The following UNC13B variants were observed in gnomAD, a reference collection of about 807,000 sequenced individuals.
UNC13B encodes unc-13 homolog B.
In UNC13B, 144 loss-of-function variants were observed where a neutral mutation model predicts 211.0. The observed-to-expected ratio is 0.68, with a 90% CI of 0.60 to 0.78. The LOEUF (loss-of-function observed/expected upper bound fraction) is 0.78, where lower values mean the gene tolerates loss of function less well. Among genes scored for constraint, UNC13B ranks in the 30% least tolerant of loss-of-function variants. The probability of loss-of-function intolerance (pLI) is 0.00; values close to 1 mark genes in which losing one functional copy is unlikely to be tolerated. For missense variants in UNC13B, 1,777 were observed against 2,002.0 expected, an observed-to-expected ratio of 0.89 and a Z score of 2.14; for synonymous variants, 709 against 725.8, an observed-to-expected ratio of 0.98 and a Z score of 0.37.
At chr9:35,212,020 A>G (rs1487697465) in intron 1 of UNC13B, among the ~76,000 whole-genome samples, 1 of 152,170 alleles carries the variant, frequency 6.6e-6, no homozygotes, top group Non-Finnish European at 1.5e-5. Context: ...TGTACTTTCT[A>G]TAATGGAAAT....
At chr9:35,241,553 A>T (rs965413814) in intron 5 of UNC13B, among the ~76,000 whole-genome samples, 4 of 104,458 alleles carry the variant, frequency 3.8e-5, no homozygotes, top group Non-Finnish European at 5.7e-5. Context: ...GTTTCTGAAT[A>T]TAAGCACACA....
At chr9:35,268,743 G>A (rs1827714462) in intron 7 of UNC13B, among the ~76,000 whole-genome samples, 1 of 152,136 alleles carries the variant, frequency 6.6e-6, no homozygotes, top group South Asian at 2.1e-4. Flanking sequence ...TAGTTCAGAT[G>A]ATGTTTTCCA....
At chr9:35,308,501 G>A (rs1830033137) in intron 9 of UNC13B, 89 bp downstream of exon 9, 1 of 397,392 alleles carries the variant, frequency 2.5e-6, no homozygotes. Context: ...ATCATAGCTT[G>A]CTTTTTATCC....
intron 11 of UNC13B, among the ~76,000 whole-genome samples, chr9:35,330,519 C>A (rs1172165235): frequency 6.6e-6 from 1 of 152,156 alleles, no homozygotes; most frequent in Admixed American, 6.5e-5. Context: ...ATGGATGACT[C>A]CAATGAGGCT....
intron 12 of UNC13B, 126 bp downstream of exon 12, chr9:35,367,119 T>C (rs1467425684): frequency 1.1e-6 from 1 of 946,850 alleles, no homozygotes; most frequent in Non-Finnish European, 1.7e-6. Context: ...AAGGTTCCAC[T>C]ATAGGTTGGT....
intron 22 of UNC13B, chr9:35,385,292 A>G (rs1587745070): frequency 1.0e-6 from 1 of 985,490 alleles, no homozygotes; most frequent in Non-Finnish European, 1.2e-6. Context: ...CAAAAAGTAC[A>G]GGTCCTGGAC....
intron 1 of UNC13B, among the ~76,000 whole-genome samples, chr9:35,168,597 T>C (rs1011116663): frequency 1.2e-4 from 18 of 152,218 alleles, no homozygotes; most frequent in African/African-American, 3.9e-4. Context: ...CTATGCCTGT[T>C]GAAAAGACCA....
chr9:35,366,117 A>G (rs1833755022), intron 11 of UNC13B, among the ~76,000 whole-genome samples: 1 of 152,212 alleles, frequency 6.6e-6, no homozygotes, highest in Admixed American at 6.5e-5. Context: ...AGTGGAAGAA[A>G]ACAAGGAGGG....
chr9:35,207,226 A>G (rs1262174192), intron 1 of UNC13B, among the ~76,000 whole-genome samples: 1 of 152,060 alleles, frequency 6.6e-6, no homozygotes, highest in African/African-American at 2.4e-5. Context: ...AGTGGTTGTT[A>G]TGCATATTTT....
intron 11 of UNC13B, among the ~76,000 whole-genome samples, chr9:35,360,272 T>C (rs1265598836): frequency 2.6e-5 from 4 of 152,234 alleles, no homozygotes; most frequent in Non-Finnish European, 4.4e-5. Flanking sequence ...TGTGACATAG[T>C]ATATTGTTAT....
Position 35,207,478 on chromosome 9 carries a change from TTTTA to T in UNC13B, c.23-20504_23-20501del, listed in dbSNP as rs56280520. On this transcript the variant is annotated intron_variant, in intron 1 of 39. Transcript: ENST00000635942. ...TGAACTCTGCAGAGAAGAAATTAAT[TTTTA>T]TTTATTTATTTATTTATTTATTTAT... Among the ~76,000 whole-genome samples the T allele has an allele frequency of 1.6e-3, 231 of 143,040 alleles. 2 individuals carry two copies. In the South Asian group the frequency reaches 0.02, roughly 12 times the overall value. The allele number at this position is 143,040 out of a possible 152,430, so 93.8% of individuals were successfully genotyped here.
At chr9:35,205,269 A>C (rs140628025) in intron 1 of UNC13B, among the ~76,000 whole-genome samples, 2 of 152,084 alleles carry the variant, frequency 1.3e-5, no homozygotes, top group Non-Finnish European at 2.9e-5. Flanking sequence ...TAAATAAATC[A>C]CCACGTTTCA....
At chr9:35,323,685 A>G (rs920444520) in intron 11 of UNC13B, among the ~76,000 whole-genome samples, 1 of 152,116 alleles carries the variant, frequency 6.6e-6, no homozygotes. Flanking sequence ...CCTTGACTGG[A>G]CCTGGCTGTT....
intron 8 of UNC13B, among the ~76,000 whole-genome samples, chr9:35,297,090 C>CT (rs201558543): frequency 0.051 from 6,542 of 128,080 alleles, 367 homozygotes; most frequent in East Asian, 0.25. Flanking sequence ...TTTTAAGAAG[C>CT]TTTTTTTTTT....
chr9:35,333,125 A>G (rs969402883), intron 11 of UNC13B, among the ~76,000 whole-genome samples: 1 of 152,144 alleles, frequency 6.6e-6, no homozygotes. Flanking sequence ...TATAATGTAT[A>G]TTATCATTCA....
chr9:35,401,890 C>T (rs1411196909), intron 37 of UNC13B: 39 of 1,492,082 alleles, frequency 2.6e-5, no homozygotes, highest in South Asian at 6.0e-5. Flanking sequence ...AGACTGCTAA[C>T]GGATTCTTCT....
intron 11 of UNC13B, among the ~76,000 whole-genome samples, chr9:35,327,560 C>T (rs903921804): frequency 6.6e-6 from 1 of 152,144 alleles, no homozygotes; most frequent in Non-Finnish European, 1.5e-5. Context: ...CACCTTCTTC[C>T]ACCTGCTTTG....
chr9:35,349,366 A>T (rs986481168), intron 11 of UNC13B, among the ~76,000 whole-genome samples: 4 of 149,112 alleles, frequency 2.7e-5, no homozygotes, highest in Non-Finnish European at 5.9e-5. Context: ...AAAAAAAAAA[A>T]GGAGTATCTT....
chr9:35,207,601 C>T (rs998884515), intron 1 of UNC13B, among the ~76,000 whole-genome samples: 15 of 152,036 alleles, frequency 9.9e-5, no homozygotes, highest in South Asian at 8.3e-4. Flanking sequence ...ACCCAAAGTG[C>T]TGGGCTTACA....
Sources: gnomAD v4.1 joint callset for allele counts (sites outside exome capture counted in the v4.1 genomes callset) on GRCh38, gnomAD v4.1.1 for gene constraint, MANE v1.5 for transcripts, NCBI Gene and HGNC (gene_info 2026-07-23, HGNC 2026-07-21) for gene names.